Variants in FAM216A observed in about 807,000 individuals in gnomAD.
The protein encoded by FAM216A is protein FAM216A.
In FAM216A, 26 loss-of-function variants were observed where a neutral mutation model predicts 37.6. The ratio of observed to expected loss-of-function variants is 0.69; its 90% confidence interval spans 0.51 to 0.96. The LOEUF (loss-of-function observed/expected upper bound fraction) is 0.96. Among genes scored for constraint, FAM216A ranks in the 40% least tolerant of loss-of-function variants. FAM216A has a pLI of 0.00. For synonymous variants in FAM216A, 110 were observed against 121.7 expected, an observed-to-expected ratio of 0.90 and a Z score of 0.64; for missense variants, 326 against 339.3, an observed-to-expected ratio of 0.96 and a Z score of 0.31.
intron 2 of FAM216A, among the ~76,000 whole-genome samples, chr12:110,480,047 T>TG (rs1239943437): frequency 6.6e-6 from 1 of 151,332 alleles, no homozygotes; most frequent in African/African-American, 2.4e-5. Flanking sequence ...TTCTTTGAGA[T>TG]GGAGTTTCGC....
intron 1 of FAM216A, 126 bp downstream of exon 1, chr12:110,469,144 C>T (rs1387822608): frequency 8.7e-7 from 1 of 1,150,892 alleles, no homozygotes; most frequent in Non-Finnish European, 1.1e-6. Context: ...GCCCCGGTGC[C>T]CTCAAGTGAG....
At chr12:110,483,885 T>G (rs530525714) in intron 2 of FAM216A, among the ~76,000 whole-genome samples, 4 of 152,126 alleles carry the variant, frequency 2.6e-5, no homozygotes, top group African/African-American at 7.2e-5. Context: ...TTTGATAAAT[T>G]TCTGCAGTCT....
At chr12:110,471,922 T>G (rs116640943) in intron 1 of FAM216A, among the ~76,000 whole-genome samples, 167 of 152,310 alleles carry the variant, frequency 1.1e-3, no homozygotes, top group African/African-American at 3.9e-3. Context: ...CTAGCACACC[T>G]TAATTACTAT....
intron 2 of FAM216A, among the ~76,000 whole-genome samples, chr12:110,476,740 C>A (rs1465842546): frequency 3.3e-5 from 5 of 150,632 alleles, no homozygotes; most frequent in African/African-American, 1.2e-4. Flanking sequence ...ATTGGCCAGG[C>A]TGGTCTCAAA....
intron 1 of FAM216A, among the ~76,000 whole-genome samples, chr12:110,472,280 T>C (rs2135540847): frequency 6.6e-6 from 1 of 150,548 alleles, no homozygotes; most frequent in South Asian, 2.1e-4. Context: ...AATACCCAAA[T>C]CACTTCATTA....
At position 110,469,025 on chromosome 12, in the gene FAM216A, T is replaced by C; in HGVS notation, c.143+7T>C. 4 of 1,460,804 alleles carry C rather than the reference T, an allele frequency of 2.7e-6. No individual in the cohort carries two copies. Among genetic ancestry groups the C allele is most frequent in the Non-Finnish European group, 3.6e-6 (4 of 1,108,292 alleles). 90.5% of individuals were successfully genotyped at this position (1,460,804 alleles called of 1,614,324 possible). The stretch of plus-strand genomic sequence containing the variant: ...CCGAGGGTGGCGGCGGCGGGTGAGG[T>C]TGGGGGCCCCGGGGTAAGGGTGGCA... On this transcript the variant is annotated splice_region_variant and intron_variant, in intron 1 of 6. Coordinates refer to ENST00000377673, the MANE Select transcript of FAM216A (RefSeq NM_013300.3).
At chr12:110,487,395 A>G (rs2062783475) in intron 5 of FAM216A, 1 of 154,630 alleles carries the variant, frequency 6.5e-6, no homozygotes, top group Admixed American at 6.5e-5. Context: ...TTGGCCTCCC[A>G]AAGTGCTGGG....
intron 3 of FAM216A, 108 bp downstream of exon 3, chr12:110,485,307 A>AT: frequency 1.1e-6 from 1 of 886,290 alleles, no homozygotes; most frequent in East Asian, 2.5e-5. Flanking sequence ...ATGACAAGGC[A>AT]TATGCAGTAT....
At chr12:110,468,817 A>T, upstream of FAM216A, 2 of 1,460,492 alleles carry the variant, frequency 1.4e-6, no homozygotes, top group Non-Finnish European at 1.8e-6. Flanking sequence ...AGAAGCCAGC[A>T]TCCGAGCCGC....
intron 2 of FAM216A, among the ~76,000 whole-genome samples, chr12:110,480,619 T>C (rs1386789069): frequency 6.6e-6 from 1 of 151,890 alleles, no homozygotes; most frequent in Non-Finnish European, 1.5e-5. Flanking sequence ...ACCTGGCCCA[T>C]TTTAATCATT....
At chr12:110,480,280 T>C (rs1449222677) in intron 2 of FAM216A, among the ~76,000 whole-genome samples, 1 of 140,944 alleles carries the variant, frequency 7.1e-6, no homozygotes, top group Non-Finnish European at 1.5e-5. Context: ...CTTGGCTCAC[T>C]GCAAGCTCCA....
chr12:110,486,267 A>G, intron 3 of FAM216A, 58 bp from the exon 4 acceptor site: 1 of 1,496,602 alleles, frequency 6.7e-7, no homozygotes, highest in East Asian at 2.3e-5. Context: ...CAGATAAGGA[A>G]TATTGCCAAC....
At chr12:110,485,386 A>G (rs1251903994) in intron 3 of FAM216A, among the ~76,000 whole-genome samples, 187 bp downstream of exon 3, 1 of 152,194 alleles carries the variant, frequency 6.6e-6, no homozygotes, top group Non-Finnish European at 1.5e-5. Flanking sequence ...TACATTCTTT[A>G]TCATAAGAGT....
chr12:110,481,502 G>A (rs2062746766), intron 2 of FAM216A, among the ~76,000 whole-genome samples: 1 of 151,464 alleles, frequency 6.6e-6, no homozygotes, highest in Admixed American at 6.6e-5. Context: ...GTGACACCAT[G>A]CCTGGCTAAG....
At chr12:110,480,790 A>G (rs1451645230) in intron 2 of FAM216A, among the ~76,000 whole-genome samples, 1 of 151,686 alleles carries the variant, frequency 6.6e-6, no homozygotes, top group East Asian at 1.9e-4. Flanking sequence ...TAATCCCAGC[A>G]CTTTGGGAGG....
At chr12:110,478,054 GCTTT>G (rs1273624841) in intron 2 of FAM216A, among the ~76,000 whole-genome samples, 2 of 152,020 alleles carry the variant, frequency 1.3e-5, no homozygotes, top group Admixed American at 6.6e-5. Flanking sequence ...TTTTCAGATG[GCTTT>G]CTAATGAAGA....
chr12:110,487,839 A>G (rs2062785447), intron 5 of FAM216A, 22 bp from the exon 6 acceptor site: 1 of 1,467,418 alleles, frequency 6.8e-7, no homozygotes, highest in Non-Finnish European at 9.5e-7. Context: ...GGCTCCAACT[A>G]AGATACTTCC....
At chr12:110,489,083 A>T (rs1273253354) in intron 6 of FAM216A, among the ~76,000 whole-genome samples, 1 of 152,242 alleles carries the variant, frequency 6.6e-6, no homozygotes, top group Admixed American at 6.5e-5. Flanking sequence ...CCACAAGAAC[A>T]AAATACTGCA....
At chr12:110,488,660 C>T (rs2062790888) in intron 6 of FAM216A, among the ~76,000 whole-genome samples, 1 of 152,146 alleles carries the variant, frequency 6.6e-6, no homozygotes, top group African/African-American at 2.4e-5. Context: ...TGCTACATCT[C>T]TTATAGTAGG....
Sources: gnomAD v4.1 joint callset for allele counts (sites outside exome capture counted in the v4.1 genomes callset) on GRCh38, gnomAD v4.1.1 for gene constraint, MANE v1.5 for transcripts, NCBI Gene and HGNC (gene_info 2026-07-23, HGNC 2026-07-21) for gene names.